Variants in AGO1 observed in about 807,000 individuals in gnomAD.
AGO1 encodes the protein argonaute RISC component 1.
A neutral mutation model predicts 109.2 loss-of-function variants in AGO1; 11 were observed. The observed-to-expected ratio is 0.10, with a 90% CI of 0.06 to 0.17. AGO1 has a LOEUF of 0.17. AGO1 is among the 10% of genes least tolerant of loss of function. The pLI, the probability that AGO1 is intolerant of heterozygous loss-of-function variation, is 1.00. For missense variants in AGO1, 574 were observed against 1,140.3 expected, an observed-to-expected ratio of 0.50 and a Z score of 7.15; for synonymous variants, 422 against 418.6, an observed-to-expected ratio of 1.01 and a Z score of -0.10.
Position 35,919,336 on chromosome 1 carries a change from A to G in AGO1, c.2465+82A>G. 1 of 1,520,348 alleles carries G rather than the reference A, an allele frequency of 6.6e-7. No individual in the cohort carries two copies. The highest frequency in any genetic ancestry group is 1.2e-5 in the South Asian group (1 of 83,600). The allele number at this position is 1,520,348 out of a possible 1,614,324, so 94.2% of individuals were successfully genotyped here. A position where few individuals can be genotyped will look rare whatever the true frequency, so the allele number is the denominator to read the frequency against. ...TCTTAACTTTCCTTGGGTAGAAGGAAATGAGTGCTGTCCAATTTGGTGTCA... is the reference window on the plus strand; with the variant it reads ...TCTTAACTTTCCTTGGGTAGAAGGAGATGAGTGCTGTCCAATTTGGTGTCA... On this transcript the variant is annotated intron_variant, in intron 18 of 18. Coordinates refer to ENST00000373204, the MANE Select transcript of AGO1 (RefSeq NM_012199.5). This position sits in a 1 kb window ranked among gnomAD's most constrained non-coding sequence, Gnocchi z 6.6.
intron 12 of AGO1, among the ~76,000 whole-genome samples, chr1:35,908,153 T>C (rs1472358539): frequency 1.3e-5 from 2 of 152,220 alleles, no homozygotes; most frequent in Non-Finnish European, 2.9e-5. Flanking sequence ...CTATGCCCTA[T>C]ACCTCACCAG....
rs1007673092 is a variant in AGO1, at chr1:35,888,698, G to T, written c.209+88G>T. On this transcript the variant is annotated intron_variant, in intron 2 of 18. Coordinates refer to ENST00000373204, the MANE Select transcript of AGO1 (RefSeq NM_012199.5). The surrounding 1 kb of genome is among the most constrained non-coding windows in gnomAD (Gnocchi z 4.1). Reference sequence around the variant, plus strand: ...AAGGTAAAAGAAAAACCAGTAGAGGGTAGTATCACCAAATCTAAGGAAGTT... The same window carrying T: ...AAGGTAAAAGAAAAACCAGTAGAGGTTAGTATCACCAAATCTAAGGAAGTT... 62 of 1,439,540 alleles carry T rather than the reference G, an allele frequency of 4.3e-5. No homozygotes were observed. The highest frequency in any genetic ancestry group is 1.8e-5 in the Non-Finnish European group (19 of 1,063,426). 89.2% of individuals were successfully genotyped at this position (1,439,540 alleles called of 1,614,324 possible). A position where few individuals can be genotyped will look rare whatever the true frequency, so the allele number is the denominator to read the frequency against.
At chr1:35,900,861 T>C (rs1420510884) in intron 8 of AGO1, among the ~76,000 whole-genome samples, 2 of 152,042 alleles carry the variant, frequency 1.3e-5, no homozygotes, top group Admixed American at 6.5e-5. Context: ...TGAGCCGAGA[T>C]TGTGCCACTG....
intron 8 of AGO1, among the ~76,000 whole-genome samples, chr1:35,898,897 A>G (rs1292636218): frequency 6.6e-6 from 1 of 152,204 alleles, no homozygotes. Context: ...GTGGTAAAAT[A>G]TACATAATGT....
chr1:35,914,837 C>G (rs968795077), intron 14 of AGO1, among the ~76,000 whole-genome samples: 1 of 152,186 alleles, frequency 6.6e-6, no homozygotes, highest in Non-Finnish European at 1.5e-5. Flanking sequence ...ATATGCTTAT[C>G]CCTGTTTTCC....
rs1403403325 is a variant in AGO1, at chr1:35,893,343, G to A, written c.512+65G>A. On this transcript the variant is annotated intron_variant, in intron 4 of 18. Transcript: ENST00000373204. This position sits in a 1 kb window ranked among gnomAD's most constrained non-coding sequence, Gnocchi z 5.6. ...AGAACTGCTGTCAGGGGAGGAGGGG[G>A]AGCACATATTAAGGTCCCACAGAGT... 1 of 1,538,248 alleles carries A rather than the reference G, an allele frequency of 6.5e-7. No homozygotes were observed. Among genetic ancestry groups the A allele is most frequent in the Non-Finnish European group, 8.8e-7 (1 of 1,134,584 alleles).
chr1:35,892,620 G>C lies in AGO1; in HGVS notation c.273G>C (p.Val91=), dbSNP rs1645240476. Residue 91 remains valine (V), a synonymous_variant, in exon 3 of 19, where the codon GTG becomes GTC. Transcript: ENST00000373204. ...AGATCTTTGGTGATCGCAAGCCTGT[G>C]TATGATGGAAAGAAGAACATTTACA... is the stretch of plus-strand genomic sequence containing the variant. ...KPQIFGDRKP[V]YDGKKNIYTV... is the part of the protein sequence containing the mutation. 3 of 1,614,104 alleles carry C rather than the reference G, an allele frequency of 1.9e-6. No homozygotes were observed. In the African/African-American group the frequency reaches 4.0e-5, roughly 22 times the overall value.
intron 12 of AGO1, among the ~76,000 whole-genome samples, chr1:35,913,474 G>A (rs374173151): frequency 1.3e-5 from 2 of 152,034 alleles, no homozygotes; most frequent in African/African-American, 4.8e-5. Flanking sequence ...CTAGCAGGGT[G>A]CATTTTTGCA....
At chr1:35,906,808 G>GAA (rs58488535) in intron 11 of AGO1, 127 bp from the exon 12 acceptor site, 7,125 of 530,122 alleles carry the variant, frequency 0.013, no homozygotes, top group South Asian at 0.02. Context: ...CTGTCTCAAG[G>GAA]AAAAAAAAAA....
At chr1:35,902,134 G>A (rs1312357285) in intron 10 of AGO1, 64 bp downstream of exon 10, 2 of 1,587,928 alleles carry the variant, frequency 1.3e-6, no homozygotes, top group Non-Finnish European at 1.7e-6. Flanking sequence ...TGTATAGCCA[G>A]GGGCTTTTGC....
rs1427805956 is a variant in AGO1, at chr1:35,927,169, GTTT to G, written c.*7564_*7566del. On this transcript the variant is annotated 3_prime_UTR_variant, in exon 19 of 19. Transcript: ENST00000373204. ...GGTACTTTGAAGTACTTAGCTAGGTGTTTTCTACAGTATCTTATATAATTGCAT... is the reference window on the plus strand; with the variant it reads ...GGTACTTTGAAGTACTTAGCTAGGTGTCTACAGTATCTTATATAATTGCAT... 1 of 151,936 alleles carries G rather than the reference GTTT, an allele frequency of 6.6e-6. No homozygotes were observed. Among genetic ancestry groups the G allele is most frequent in the Non-Finnish European group, 1.5e-5 (1 of 67,976 alleles). 9.4% of individuals were successfully genotyped at this position (151,936 alleles called of 1,614,324 possible). A position where few individuals can be genotyped will look rare whatever the true frequency, so the allele number is the denominator to read the frequency against.
rs1331275123 is a variant in AGO1 at position 35,928,004 on chromosome 1, C to T, written c.*8397C>T. 1 of 152,160 alleles carries T rather than the reference C, an allele frequency of 6.6e-6. No individual in the cohort carries two copies. Among genetic ancestry groups the T allele is most frequent in the Non-Finnish European group, 1.5e-5 (1 of 68,022 alleles). 9.4% of individuals were successfully genotyped at this position (152,160 alleles called of 1,614,324 possible). ...GAGAGGATTGTACTCAGTTGCTCTC[C>T]TCATCCAGTGATGTTTCTTGTCTAA... On this transcript the variant is annotated 3_prime_UTR_variant, in exon 19 of 19. Transcript: ENST00000373204.
At chr1:35,878,169 T>C (rs2148704216) in intron 1 of AGO1, among the ~76,000 whole-genome samples, 1 of 152,064 alleles carries the variant, frequency 6.6e-6, no homozygotes, top group African/African-American at 2.4e-5. Context: ...TTGCAATCTC[T>C]GCCTCCCGGA....
chr1:35,929,770 T>C lies in AGO1; in HGVS notation c.*10163T>C, dbSNP rs1323075098. 6.6e-6 allele frequency: 1 copy of C among 152,220 alleles called. No homozygotes were observed. The highest frequency in any genetic ancestry group is 2.4e-5 in the African/African-American group (1 of 41,456). The allele number at this position is 152,220 out of a possible 1,614,324, so 9.4% of individuals were successfully genotyped here. ...GTTTAATATTATATGGTAAGTACTT[T>C]AAAATGGTAAATAGTAAATACTTGT... On this transcript the variant is annotated 3_prime_UTR_variant, in exon 19 of 19. Transcript: ENST00000373204.
At chr1:35,870,409 G>A (rs1360488258) in intron 1 of AGO1, among the ~76,000 whole-genome samples, 1 of 151,624 alleles carries the variant, frequency 6.6e-6, no homozygotes, top group African/African-American at 2.4e-5. Context: ...TCAGCCTCCC[G>A]AGTAGCTGGG....
At chr1:35,884,005 C>T (rs1162896798) in intron 1 of AGO1, among the ~76,000 whole-genome samples, 2 of 152,188 alleles carry the variant, frequency 1.3e-5, no homozygotes, top group East Asian at 1.9e-4. Context: ...AGCGGAGGCT[C>T]CAGAGCATGC....
chr1:35,904,255 G>A (rs572608586), intron 11 of AGO1, among the ~76,000 whole-genome samples: 118 of 151,320 alleles, frequency 7.8e-4, no homozygotes, highest in African/African-American at 2.6e-3. Flanking sequence ...ACAGGCACCC[G>A]CCACCACGCC....
chr1:35,872,903 T>TTTTG (rs147468270), intron 1 of AGO1, among the ~76,000 whole-genome samples: 3,014 of 151,890 alleles, frequency 0.02, 103 homozygotes, highest in African/African-American at 0.063. Context: ...TTTTCAGTTT[T>TTTTG]TTTGTTTGTT....
rs756144267 is a variant in AGO1 at position 35,921,026 on chromosome 1, G to A, written c.*1419G>A. On this transcript the variant is annotated 3_prime_UTR_variant, in exon 19 of 19. Transcript: ENST00000373204. ...GGGGGTGGTTATCGCCCCAAGATGG[G>A]GTCCAGGCTCCATCCTTCCTCTGTG... 1 of 152,756 alleles carries A rather than the reference G, an allele frequency of 6.5e-6. No homozygotes were observed. The highest frequency in any genetic ancestry group is 2.4e-5 in the African/African-American group (1 of 41,394). 9.5% of individuals were successfully genotyped at this position (152,756 alleles called of 1,614,324 possible). A position where few individuals can be genotyped will look rare whatever the true frequency, so the allele number is the denominator to read the frequency against.
Sources: gnomAD v4.1 joint callset for allele counts (sites outside exome capture counted in the v4.1 genomes callset) on GRCh38, gnomAD v4.1.1 for gene constraint, Gnocchi (gnomAD v3.1) non-coding constraint, MANE v1.5 for transcripts, NCBI Gene and HGNC (gene_info 2026-07-23, HGNC 2026-07-21) for gene names.